GRIP1: variants seen among roughly 807,000 people sequenced by gnomAD.
GRIP1 encodes glutamate receptor interacting protein 1.
GRIP1 carries 45 observed loss-of-function variants against 129.9 expected under a neutral mutation model. The observed-to-expected ratio is 0.35, with a 90% CI of 0.27 to 0.44. The LOEUF (loss-of-function observed/expected upper bound fraction) is 0.44, where lower values mean the gene tolerates loss of function less well. GRIP1 is among the 20% of genes least tolerant of loss of function. The pLI, the probability that GRIP1 is intolerant of heterozygous loss-of-function variation, is 1.00. For synonymous variants in GRIP1, 530 were observed against 520.8 expected (o/e 1.02, Z -0.24); for missense variants, 1,196 against 1,396.8 (o/e 0.86, Z 2.29).
intron 15 of GRIP1, among the ~76,000 whole-genome samples, chr12:66,416,380 A>G (rs970659403): frequency 3.3e-5 from 5 of 152,166 alleles, no homozygotes; most frequent in Admixed American, 3.3e-4. Context: ...TGAACCCAAG[A>G]TTAGTGGTAG....
chr12:66,563,693 G>T, intron 2 of GRIP1: 1 of 154,588 alleles, frequency 6.5e-6, no homozygotes. Flanking sequence ...GTGCTGCCAA[G>T]CATTGGGCTA....
At chr12:66,827,385 T>TGAGAGA (rs1349679049) in intron 1 of GRIP1, among the ~76,000 whole-genome samples, 11 of 71,496 alleles carry the variant, frequency 1.5e-4, no homozygotes, top group Non-Finnish European at 1.7e-4. Flanking sequence ...TGTGTGTGTG[T>TGAGAGA]GTGAGAGAGA....
At chr12:66,549,490 G>A in intron 2 of GRIP1, among the ~76,000 whole-genome samples, 1 of 151,986 alleles carries the variant, frequency 6.6e-6, no homozygotes, top group East Asian at 1.9e-4. Flanking sequence ...ATTACTTTTG[G>A]TGGTGCCACT....
chr12:66,460,381 T>C (rs929526291), intron 9 of GRIP1, among the ~76,000 whole-genome samples: 15 of 152,224 alleles, frequency 9.9e-5, no homozygotes, highest in African/African-American at 3.6e-4. Flanking sequence ...TTCAGGATGT[T>C]CGAGAGAGCA....
intron 2 of GRIP1, chr12:66,571,117 G>A (rs1489831319): frequency 6.6e-6 from 1 of 152,196 alleles, no homozygotes; most frequent in Non-Finnish European, 1.5e-5. Context: ...TCATAAAAGA[G>A]TTCTGAATTC....
intron 1 of GRIP1, among the ~76,000 whole-genome samples, chr12:66,733,396 G>A (rs925288890): frequency 6.6e-6 from 1 of 152,120 alleles, no homozygotes; most frequent in Non-Finnish European, 1.5e-5. Context: ...AGATATGAGT[G>A]GATGTTTCTG....
chr12:66,534,927 C>T (rs960756940), intron 4 of GRIP1, among the ~76,000 whole-genome samples: 1 of 152,130 alleles, frequency 6.6e-6, no homozygotes, highest in Admixed American at 6.6e-5. Flanking sequence ...CTCCTGAACT[C>T]AAGTGATCCA....
chr12:66,688,642 C>A (rs773012967), intron 1 of GRIP1, among the ~76,000 whole-genome samples: 24 of 151,974 alleles, frequency 1.6e-4, no homozygotes, highest in Non-Finnish European at 3.1e-4. Flanking sequence ...TACCAAAACC[C>A]AGAAGGGTCC....
chr12:66,761,822 T>A (rs2037484538), intron 1 of GRIP1, among the ~76,000 whole-genome samples: 1 of 152,196 alleles, frequency 6.6e-6, no homozygotes, highest in Non-Finnish European at 1.5e-5. Context: ...CAAGTCTCTG[T>A]GTTTCATTAA....
intron 5 of GRIP1, among the ~76,000 whole-genome samples, chr12:66,520,804 A>G (rs2060977904): frequency 6.6e-6 from 1 of 152,252 alleles, no homozygotes; most frequent in Non-Finnish European, 1.5e-5. Flanking sequence ...TTGACTAACC[A>G]TACAGTCACT....
In GRIP1 at chr12:67,052,311, G is replaced by A. The variant is rs576292641; in HGVS notation, c.58+16739C>T. 2.0e-5 allele frequency among the ~76,000 whole-genome samples: 3 copies of A among 152,210 alleles called. No individual in the cohort carries two copies. The South Asian group carries it at 6.2e-4, about 32-fold the overall frequency. ...AACTCACCTTCTAAAATGACCCTCAGGTAACTGCATCATGTGTAATAACAA... is the reference window on the plus strand; with the variant it reads ...AACTCACCTTCTAAAATGACCCTCAAGTAACTGCATCATGTGTAATAACAA... On this transcript the variant is annotated intron_variant, in intron 1 of 1. Transcript: ENST00000643019.
intron 9 of GRIP1, among the ~76,000 whole-genome samples, chr12:66,461,006 A>G (rs2059119893): frequency 6.6e-6 from 1 of 152,214 alleles, no homozygotes; most frequent in South Asian, 2.1e-4. Context: ...TAGACGATGG[A>G]GTCAGAAGTG....
intron 1 of GRIP1, among the ~76,000 whole-genome samples, chr12:66,714,555 G>A (rs1470538109): frequency 1.3e-5 from 2 of 151,936 alleles, no homozygotes; most frequent in Non-Finnish European, 2.9e-5. Context: ...TCTTTAAGGA[G>A]ACCAGCACAA....
intron 1 of GRIP1, among the ~76,000 whole-genome samples, chr12:66,603,819 A>G (rs747482387): frequency 3.3e-5 from 5 of 152,222 alleles, no homozygotes; most frequent in African/African-American, 4.8e-5. Flanking sequence ...CCTCTCAACA[A>G]TCCTGAAATG....
chr12:66,573,072 C>T (rs920904002), intron 2 of GRIP1, among the ~76,000 whole-genome samples: 6 of 128,898 alleles, frequency 4.7e-5, no homozygotes, highest in Admixed American at 1.6e-4. Context: ...GTATATATGT[C>T]GGCATATATA....
chr12:66,865,963 A>G (rs1443489448), intron 1 of GRIP1, among the ~76,000 whole-genome samples: 2 of 152,108 alleles, frequency 1.3e-5, no homozygotes, highest in Non-Finnish European at 2.9e-5. Flanking sequence ...GATTAACCTC[A>G]AAACTATCAC....
At chr12:66,375,862 TC>T (rs1385410662) in intron 22 of GRIP1, among the ~76,000 whole-genome samples, 2 of 152,228 alleles carry the variant, frequency 1.3e-5, no homozygotes, top group Non-Finnish European at 2.9e-5. Flanking sequence ...AAGGGAAATA[TC>T]AAAATGCACA....
chr12:66,480,106 G>A (rs7304443), intron 7 of GRIP1, among the ~76,000 whole-genome samples: 40,269 of 151,976 alleles, frequency 0.26, 5,550 homozygotes, highest in Middle Eastern at 0.43. Flanking sequence ...GGGTATTCAA[G>A]TAGGAAGAGA....
chr12:66,463,464 T>A (rs1042966884), intron 8 of GRIP1, among the ~76,000 whole-genome samples: 1 of 152,182 alleles, frequency 6.6e-6, no homozygotes, highest in East Asian at 1.9e-4. Flanking sequence ...CTTTTCTATC[T>A]ATAAACATGA....
Sources: allele counts gnomAD v4.1 joint callset (sites outside exome capture counted in the v4.1 genomes callset), GRCh38; gene constraint gnomAD v4.1.1; transcripts MANE v1.5; gene names NCBI Gene and HGNC (gene_info 2026-07-23, HGNC 2026-07-21).